Variants in DOCK2 observed in about 807,000 individuals in gnomAD.
The protein encoded by DOCK2 is dedicator of cytokinesis protein 2.
DOCK2 carries 87 observed loss-of-function variants against 248.9 expected under a neutral mutation model. The ratio of observed to expected loss-of-function variants is 0.35; its 90% CI spans 0.29 to 0.42. DOCK2 has a LOEUF of 0.42. Ranked by LOEUF, DOCK2 falls within the 10% of genes least tolerant of loss-of-function variation. The probability of loss-of-function intolerance (pLI) is 1.00; values close to 1 mark genes in which losing one functional copy is unlikely to be tolerated. For missense variants in DOCK2, 1,747 were observed against 2,300.2 expected (o/e 0.76, Z 4.92); for synonymous variants, 805 against 821.6 (o/e 0.98, Z 0.35).
intron 26 of DOCK2, among the ~76,000 whole-genome samples, chr5:169,833,859 G>A (rs1453416034): frequency 6.6e-6 from 1 of 152,220 alleles, no homozygotes; most frequent in Non-Finnish European, 1.5e-5. Context: ...CAAGAAGAAA[G>A]ACTTGCATAT....
intron 30 of DOCK2, among the ~76,000 whole-genome samples, chr5:170,001,353 T>C (rs1457568087): frequency 6.6e-6 from 1 of 152,302 alleles, no homozygotes; most frequent in East Asian, 1.9e-4. Flanking sequence ...CTATAAAGAC[T>C]ATAGTCTTTA....
intron 22 of DOCK2, among the ~76,000 whole-genome samples, chr5:169,734,297 T>C (rs1174573791): frequency 1.3e-5 from 2 of 152,188 alleles, no homozygotes; most frequent in African/African-American, 4.8e-5. Flanking sequence ...ATCTTTTTAA[T>C]GTTTTGAAGC....
rs116036742 is a variant in DOCK2, at chr5:169,740,975, A to G, written c.2268-6421A>G. ...CTCAGCCTCCCAAATAGCTTTAACC[A>G]CAGGCATGCACCACCACACCTAGCT... On this transcript the variant is annotated intron_variant, in intron 22 of 51. Transcript: ENST00000520908. Among the ~76,000 whole-genome samples the G allele has an allele frequency of 7.0e-3, 1,060 of 152,238 alleles. 13 individuals carry two copies. Among genetic ancestry groups the G allele is most frequent in the African/African-American group, 0.024 (981 of 41,542 alleles).
At chr5:169,986,114 A>G (rs1339481356) in intron 29 of DOCK2, among the ~76,000 whole-genome samples, 192 bp downstream of exon 29, 1 of 152,214 alleles carries the variant, frequency 6.6e-6, no homozygotes, top group East Asian at 1.9e-4. Flanking sequence ...ATCGTCTCCA[A>G]CTTCTCCATT....
chr5:170,003,565 T>G (rs2113805079), intron 30 of DOCK2, among the ~76,000 whole-genome samples: 1 of 152,344 alleles, frequency 6.6e-6, no homozygotes, highest in East Asian at 1.9e-4. Context: ...CCAGCTTGGA[T>G]GTAAGAATAG....
At chr5:169,996,303 G>A in intron 30 of DOCK2, 139 bp downstream of exon 30, 1 of 814,940 alleles carries the variant, frequency 1.2e-6, no homozygotes, top group Admixed American at 3.2e-5. Context: ...GGGGGTTATG[G>A]CTGGGGAGAA....
rs980093764 is a variant in DOCK2, at chr5:170,082,941, T to C, written c.*83T>C. On this transcript the variant is annotated 3_prime_UTR_variant, in exon 52 of 52. Coordinates refer to ENST00000520908, the MANE Select transcript of DOCK2 (RefSeq NM_004946.3). ...AAGCCATGCGTGGAACATCGAAGCCTCAGAGAGTGGGAGACTGTCCCCATC... is the reference window on the plus strand; with the variant it reads ...AAGCCATGCGTGGAACATCGAAGCCCCAGAGAGTGGGAGACTGTCCCCATC... 3.8e-6 allele frequency: 6 copies of C among 1,567,954 alleles called. No homozygotes were observed. In the African/African-American group the frequency reaches 6.8e-5, roughly 18 times the overall value.
At chr5:169,796,533 C>T (rs1225287656) in intron 25 of DOCK2, among the ~76,000 whole-genome samples, 4 of 152,210 alleles carry the variant, frequency 2.6e-5, no homozygotes, top group Non-Finnish European at 5.9e-5. Flanking sequence ...TGTACCCCAA[C>T]TACAGCTTGG....
intron 22 of DOCK2, among the ~76,000 whole-genome samples, chr5:169,733,163 G>A (rs1168508800): frequency 6.6e-6 from 1 of 151,574 alleles, no homozygotes; most frequent in African/African-American, 2.4e-5. Context: ...CTTTTTTTGG[G>A]ATTGTTTTCA....
At chr5:169,990,088 G>T (rs571493621) in intron 29 of DOCK2, among the ~76,000 whole-genome samples, 1 of 148,736 alleles carries the variant, frequency 6.7e-6, no homozygotes, top group African/African-American at 2.5e-5. Context: ...CCCTCTTAAT[G>T]TTTTTTTTTT....
intron 29 of DOCK2, among the ~76,000 whole-genome samples, chr5:169,993,133 C>T (rs1778253137): frequency 6.6e-6 from 1 of 152,234 alleles, no homozygotes. Flanking sequence ...GCACTCAATG[C>T]ATTTCCATCT....
intron 33 of DOCK2, among the ~76,000 whole-genome samples, chr5:170,019,480 C>T (rs956518389): frequency 2.6e-5 from 4 of 152,096 alleles, no homozygotes; most frequent in Admixed American, 1.3e-4. Context: ...GCTGACTCTG[C>T]GGATCTACAT....
intron 27 of DOCK2, among the ~76,000 whole-genome samples, chr5:169,874,110 T>C (rs1772159030): frequency 6.6e-6 from 1 of 151,854 alleles, no homozygotes; most frequent in Non-Finnish European, 1.5e-5. Flanking sequence ...GATGCATCAA[T>C]AATGATTAAA....
chr5:169,720,011 C>G (rs182080903), intron 22 of DOCK2, among the ~76,000 whole-genome samples: 34 of 152,098 alleles, frequency 2.2e-4, no homozygotes, highest in Admixed American at 8.5e-4. Flanking sequence ...CTGAAACAGG[C>G]AATCATTTGG....
rs561320110 is a variant in DOCK2, at chr5:169,765,032, ATCC to A, written c.2554+3410_2554+3412del. On this transcript the variant is annotated intron_variant, in intron 25 of 51. Coordinates refer to ENST00000520908, the MANE Select transcript of DOCK2 (RefSeq NM_004946.3). ...ACATAGTTTTGGACACTTGACAGCT[ATCC>A]TCTCTGATGATTTACCCCTCAGGGC... 9.4e-4 allele frequency among the ~76,000 whole-genome samples: 139 copies of A among 148,604 alleles called. 3 individuals carry two copies. The highest frequency in any genetic ancestry group is 9.3e-3 in the Admixed American group (138 of 14,874).
At chr5:169,642,629 C>T (rs1019029236) in intron 1 of DOCK2, among the ~76,000 whole-genome samples, 1 of 152,186 alleles carries the variant, frequency 6.6e-6, no homozygotes, top group African/African-American at 2.4e-5. Context: ...TAATTCCTTC[C>T]TGCCACCAAT....
At chr5:170,070,686 C>T (rs1757651019) in intron 46 of DOCK2, among the ~76,000 whole-genome samples, 1 of 152,192 alleles carries the variant, frequency 6.6e-6, no homozygotes, top group Non-Finnish European at 1.5e-5. Flanking sequence ...GCTAACATGT[C>T]ATACAGATTT....
chr5:170,034,553 C>T lies in DOCK2; in HGVS notation c.3622C>T (p.Leu1208=). The T allele has an allele frequency of 6.2e-7, 1 of 1,614,008 alleles. No homozygotes were observed. The highest frequency in any genetic ancestry group is 8.5e-7 in the Non-Finnish European group (1 of 1,179,940). The change falls in exon 35 of 52, where the codon CTG becomes TTG. Residue 1208 remains leucine (L), a splice_region_variant and synonymous_variant. Transcript: ENST00000520908. ...DNRMSCTVNL[L]NFYKDNNREE... Reference sequence around the variant, plus strand: ...CCGCATGAGCTGCACCGTGAACCTGCTGGTGCGTGGGGCTGGCGGGTCCAA... The same window carrying T: ...CCGCATGAGCTGCACCGTGAACCTGTTGGTGCGTGGGGCTGGCGGGTCCAA...
chr5:170,001,316 C>A (rs1000178311), intron 30 of DOCK2, among the ~76,000 whole-genome samples: 18 of 152,120 alleles, frequency 1.2e-4, no homozygotes, highest in African/African-American at 4.3e-4. Context: ...AATCCTGATT[C>A]TGATTAAAAA....
Sources: allele counts gnomAD v4.1 joint callset (sites outside exome capture counted in the v4.1 genomes callset), GRCh38; gene constraint gnomAD v4.1.1; transcripts MANE v1.5; gene names NCBI Gene and HGNC (gene_info 2026-07-23, HGNC 2026-07-21).